GPM6B: variants seen among roughly 807,000 people sequenced by gnomAD.
GPM6B encodes the protein neuronal membrane glycoprotein M6-b.
GPM6B carries 4 observed loss-of-function variants against 27.2 expected under a neutral mutation model. The observed-to-expected ratio is 0.15, with a 90% CI of 0.07 to 0.34. GPM6B has a LOEUF of 0.34. Among genes scored for constraint, GPM6B ranks in the 10% least tolerant of loss-of-function variants. The pLI is 1.00. For synonymous variants in GPM6B, 124 were observed against 103.1 expected, an observed-to-expected ratio of 1.20 and a Z score of -1.23; for missense variants, 183 against 261.9, an observed-to-expected ratio of 0.70 and a Z score of 2.08.
At chrX:13,870,277 CAAAT>C (rs10577538) in intron 1 of GPM6B, among the ~76,000 whole-genome samples, 48,102 of 111,225 alleles carry the variant, frequency 0.43, 8,777 homozygotes, top group Non-Finnish European at 0.59. Context: ...ATGCACTCAA[CAAAT>C]AGTTATTTAA....
At chrX:13,938,156 T>C (rs1186602569) in intron 1 of GPM6B, among the ~76,000 whole-genome samples, 1 of 110,885 alleles carries the variant, frequency 9.0e-6, no homozygotes, top group Admixed American at 9.4e-5. Context: ...AGCGACTCTC[T>C]ACTGGCCCCT....
intron 6 of GPM6B, 71 bp downstream of exon 6, chrX:13,777,281 T>C: frequency 1.3e-6 from 1 of 762,352 alleles, no homozygotes; most frequent in Non-Finnish European, 2.0e-6. Flanking sequence ...CTCTCGCTCT[T>C]TCTACAGCTG....
At chrX:13,812,942 T>C (rs1322009688) in intron 1 of GPM6B, 1 of 109,997 alleles carries the variant, frequency 9.1e-6, no homozygotes, top group South Asian at 3.9e-4. Flanking sequence ...AAGGAAGCTG[T>C]ATCATACCTA....
intron 1 of GPM6B, among the ~76,000 whole-genome samples, chrX:13,823,152 G>A (rs1357894545): frequency 2.7e-5 from 3 of 111,883 alleles, no homozygotes; most frequent in African/African-American, 9.8e-5. Context: ...TTCCTTTATA[G>A]GAAATGACAC....
At chrX:13,808,683 T>A (rs939383332) in intron 1 of GPM6B, among the ~76,000 whole-genome samples, 1 of 110,821 alleles carries the variant, frequency 9.0e-6, no homozygotes, top group Non-Finnish European at 1.9e-5. Context: ...TAAAAAAAAA[T>A]TGTGCCATTG....
intron 1 of GPM6B, among the ~76,000 whole-genome samples, chrX:13,836,469 TATAA>T (rs1207104153): frequency 8.9e-6 from 1 of 112,590 alleles, no homozygotes; most frequent in Non-Finnish European, 1.9e-5. Flanking sequence ...GTTCTGTGGA[TATAA>T]ATAACGTCCC....
At chrX:13,798,323 C>T (rs778652751) in intron 2 of GPM6B, among the ~76,000 whole-genome samples, 2 of 108,571 alleles carry the variant, frequency 1.8e-5, no homozygotes, top group African/African-American at 6.7e-5. Context: ...AGGGTAAGGA[C>T]AGCAAGGGTC....
chrX:13,776,324 A>C, intron 6 of GPM6B, 21 bp from the exon 7 acceptor site: 2 of 1,165,339 alleles, frequency 1.7e-6, no homozygotes, highest in Non-Finnish European at 2.3e-6. Context: ...ACAGGGCATC[A>C]ACATAAGCAT....
intron 2 of GPM6B, among the ~76,000 whole-genome samples, chrX:13,792,036 T>C (rs1320253734): frequency 2.7e-5 from 3 of 111,649 alleles, no homozygotes; most frequent in Non-Finnish European, 5.6e-5. Flanking sequence ...GGAACCAAGC[T>C]TTACAACTTT....
chrX:13,786,964 T>C (rs183433170), intron 2 of GPM6B, among the ~76,000 whole-genome samples: 2 of 102,108 alleles, frequency 2.0e-5, no homozygotes, highest in African/African-American at 3.7e-5. Flanking sequence ...GTCGGGGAAA[T>C]TGAACTTTAA....
intron 1 of GPM6B, among the ~76,000 whole-genome samples, chrX:13,830,781 G>T (rs2049429218): frequency 8.9e-6 from 1 of 111,874 alleles, no homozygotes; most frequent in Non-Finnish European, 1.9e-5. Flanking sequence ...GAGAGAAACT[G>T]GAAGAAAGGG....
chrX:13,847,706 C>T lies in GPM6B; in HGVS notation c.-197-61898G>A, dbSNP rs1603076203. On this transcript the variant is annotated intron_variant, in intron 1 of 6. Coordinates refer to the GPM6B transcript ENST00000398361. ...TCCAAATGACAGCTTTAACACTAGC[C>T]TAATAGCCTAGTCCTTTTTCAAGCA... 2.7e-5 allele frequency among the ~76,000 whole-genome samples: 3 copies of T among 111,964 alleles called. No homozygotes were observed. The South Asian group carries it at 1.1e-3, about 42-fold the overall frequency.
chrX:13,810,341 G>A (rs960140362), intron 1 of GPM6B, among the ~76,000 whole-genome samples: 7 of 111,871 alleles, frequency 6.3e-5, no homozygotes, highest in African/African-American at 2.3e-4. Flanking sequence ...TAAGCAAGAG[G>A]ATTCTAAGTA....
intron 1 of GPM6B, among the ~76,000 whole-genome samples, chrX:13,922,457 T>C (rs1228273977): frequency 8.9e-6 from 1 of 112,235 alleles, no homozygotes; most frequent in Admixed American, 9.4e-5. Context: ...ATCTGAAGTC[T>C]CAATTTCTCC....
At chrX:13,859,552 T>TC (rs1391866650) in intron 1 of GPM6B, among the ~76,000 whole-genome samples, 1 of 111,226 alleles carries the variant, frequency 9.0e-6, no homozygotes, top group Non-Finnish European at 1.9e-5. Flanking sequence ...TACAGAGATT[T>TC]TTTTTTACAT....
At chrX:13,896,847 C>T (rs753003435) in intron 1 of GPM6B, among the ~76,000 whole-genome samples, 12 of 112,161 alleles carry the variant, frequency 1.1e-4, no homozygotes, top group Non-Finnish European at 2.3e-4. Context: ...GGATTACAGG[C>T]ATGAGCCACC....
chrX:13,857,309 T>C (rs746053475), intron 1 of GPM6B, among the ~76,000 whole-genome samples: 1 of 112,204 alleles, frequency 8.9e-6, no homozygotes, highest in African/African-American at 3.2e-5. Flanking sequence ...AGAAGAGAAA[T>C]TGAATAGAGT....
At chrX:13,839,551 G>C (rs759494350) in intron 1 of GPM6B, among the ~76,000 whole-genome samples, 13 of 111,129 alleles carry the variant, frequency 1.2e-4, no homozygotes, top group African/African-American at 4.3e-4. Flanking sequence ...CTGTGGGACC[G>C]AGTCTCCAGT....
chrX:13,933,354 C>CT (rs1921671553), intron 1 of GPM6B, among the ~76,000 whole-genome samples: 1 of 111,857 alleles, frequency 8.9e-6, no homozygotes, highest in African/African-American at 3.2e-5. Flanking sequence ...AGCAGATGCT[C>CT]TCTTACCAAT....
Sources: gnomAD v4.1 joint callset for allele counts (sites outside exome capture counted in the v4.1 genomes callset) on GRCh38, gnomAD v4.1.1 for gene constraint, MANE v1.5 for transcripts, NCBI Gene and HGNC (gene_info 2026-07-23, HGNC 2026-07-21) for gene names.